Variants in RALYL observed in about 807,000 individuals in gnomAD.
RALYL encodes the protein RALY RNA binding protein like.
Under a neutral mutation model 35.1 loss-of-function variants are expected in RALYL, and 29 were observed. The ratio of observed to expected loss-of-function variants is 0.83; its 90% CI spans 0.61 to 1.13. The LOEUF is 1.13. Ranked by LOEUF, RALYL falls within the 50% of genes most tolerant of loss-of-function variation. The pLI is 0.00. For synonymous variants in RALYL, 120 were observed against 127.6 expected (o/e 0.94, Z 0.40); for missense variants, 359 against 360.4 (o/e 1.00, Z 0.03).
At chr8:84,447,777 G>A (rs2049009652) in intron 1 of RALYL, among the ~76,000 whole-genome samples, 1 of 152,010 alleles carries the variant, frequency 6.6e-6, no homozygotes, top group East Asian at 1.9e-4. Flanking sequence ...TACTTTATTT[G>A]GGTATATTAG....
In RALYL at chr8:84,869,570, C is replaced by T. The variant is rs144192958; in HGVS notation, c.572-3714C>T. On this transcript the variant is annotated intron_variant, in intron 6 of 8. Coordinates refer to ENST00000521268, the MANE Select transcript of RALYL (RefSeq NM_173848.7). The stretch of plus-strand genomic sequence containing the variant: ...TTTGGGGTCAGATAATTCTGTGATG[C>T]GGTGTGGGCTATCTTGTGCACTGTA... Among the ~76,000 whole-genome samples, 5 of 152,164 alleles carry T rather than the reference C, an allele frequency of 3.3e-5. No individual in the cohort carries two copies. In the East Asian group the frequency reaches 5.8e-4, roughly 18 times the overall value.
chr8:84,758,234 G>T (rs992044755), intron 2 of RALYL, among the ~76,000 whole-genome samples: 1 of 152,128 alleles, frequency 6.6e-6, no homozygotes, highest in African/African-American at 2.4e-5. Flanking sequence ...CTTTCCAATG[G>T]AGTTTGCACA....
chr8:84,867,768 T>A (rs1839435239), intron 6 of RALYL, among the ~76,000 whole-genome samples: 1 of 152,188 alleles, frequency 6.6e-6, no homozygotes, highest in South Asian at 2.1e-4. Context: ...CTTTTTTCTT[T>A]GCCCACATAG....
At chr8:84,479,324 C>G (rs1223809273) in intron 1 of RALYL, among the ~76,000 whole-genome samples, 1 of 151,966 alleles carries the variant, frequency 6.6e-6, no homozygotes, top group African/African-American at 2.4e-5. Context: ...ATATTTTTCT[C>G]TTCCTTTCAT....
At chr8:84,361,461 G>T (rs2131268024) in intron 1 of RALYL, among the ~76,000 whole-genome samples, 1 of 152,302 alleles carries the variant, frequency 6.6e-6, no homozygotes, top group South Asian at 2.1e-4. Context: ...TGGGACAACA[G>T]ACCTGAGCAT....
intron 2 of RALYL, among the ~76,000 whole-genome samples, chr8:84,654,372 A>C (rs1325770330): frequency 1.4e-5 from 2 of 144,876 alleles, no homozygotes; most frequent in Non-Finnish European, 3.0e-5. Flanking sequence ...TATGATGTGT[A>C]ATAATCACAT....
intron 2 of RALYL, among the ~76,000 whole-genome samples, chr8:84,758,273 G>A (rs577188928): frequency 1.3e-5 from 2 of 152,268 alleles, no homozygotes; most frequent in African/African-American, 4.8e-5. Flanking sequence ...TGGTGGAAAG[G>A]AGTAATACCT....
intron 2 of RALYL, among the ~76,000 whole-genome samples, chr8:84,628,915 G>A (rs1363391074): frequency 6.6e-6 from 1 of 152,004 alleles, no homozygotes; most frequent in Non-Finnish European, 1.5e-5. Context: ...AAAAAATGTG[G>A]AGGATAATCT....
chr8:84,845,239 A>T (rs1443458655), intron 4 of RALYL, among the ~76,000 whole-genome samples: 1 of 152,250 alleles, frequency 6.6e-6, no homozygotes, highest in Non-Finnish European at 1.5e-5. Flanking sequence ...AATCAATAGC[A>T]ATTGAATGCA....
intron 1 of RALYL, among the ~76,000 whole-genome samples, chr8:84,479,826 T>C (rs953018791): frequency 2.0e-4 from 31 of 152,262 alleles, no homozygotes; most frequent in Middle Eastern, 3.4e-3. Context: ...TTTCCCAGGG[T>C]AGATTACAGA....
intron 2 of RALYL, among the ~76,000 whole-genome samples, chr8:84,540,955 A>T: frequency 6.6e-6 from 1 of 151,908 alleles, no homozygotes; most frequent in East Asian, 1.9e-4. Flanking sequence ...AAGATTAAGA[A>T]CTTTAAGCTA....
chr8:84,391,603 C>G (rs887368194), intron 1 of RALYL, among the ~76,000 whole-genome samples: 16 of 152,064 alleles, frequency 1.1e-4, no homozygotes, highest in African/African-American at 3.9e-4. Flanking sequence ...TAAACAGCAA[C>G]AGAACTCTTC....
At chr8:84,561,521 C>A (rs938360444) in intron 2 of RALYL, among the ~76,000 whole-genome samples, 1 of 151,918 alleles carries the variant, frequency 6.6e-6, no homozygotes, top group African/African-American at 2.4e-5. Context: ...CCTATACATA[C>A]ATAACAATAA....
intron 2 of RALYL, among the ~76,000 whole-genome samples, chr8:84,609,297 A>C (rs546221982): frequency 6.6e-6 from 1 of 152,250 alleles, no homozygotes; most frequent in Admixed American, 6.5e-5. Context: ...TCTTTGATCA[A>C]CTTAACCTGT....
intron 1 of RALYL, among the ~76,000 whole-genome samples, chr8:84,250,812 G>A (rs1467456468): frequency 6.6e-6 from 1 of 151,860 alleles, no homozygotes; most frequent in African/African-American, 2.4e-5. Context: ...GGAAAAATAG[G>A]GTGTAATGAA....
intron 1 of RALYL, among the ~76,000 whole-genome samples, chr8:84,226,363 GAGTAT>G (rs1281082951): frequency 4.6e-5 from 7 of 152,116 alleles, no homozygotes; most frequent in Admixed American, 3.9e-4. Flanking sequence ...CGCTGGTGTA[GAGTAT>G]ATCAAAACTA....
intron 2 of RALYL, among the ~76,000 whole-genome samples, chr8:84,680,709 C>G (rs976496946): frequency 1.3e-5 from 2 of 151,802 alleles, no homozygotes; most frequent in Admixed American, 1.3e-4. Context: ...TGTTTTTTTT[C>G]TTGTAAATTT....
At chr8:84,374,730 AT>A (rs1856581050) in intron 1 of RALYL, among the ~76,000 whole-genome samples, 1 of 151,824 alleles carries the variant, frequency 6.6e-6, no homozygotes, top group Admixed American at 6.6e-5. Context: ...GCAAGGAGGG[AT>A]AGGATCGGAA....
At chr8:84,572,954 C>T (rs942932026) in intron 2 of RALYL, among the ~76,000 whole-genome samples, 1 of 151,048 alleles carries the variant, frequency 6.6e-6, no homozygotes, top group African/African-American at 2.4e-5. Flanking sequence ...TTTTTATGGT[C>T]GGGTTACAGT....
Sources: allele counts gnomAD v4.1 joint callset (sites outside exome capture counted in the v4.1 genomes callset), GRCh38; gene constraint gnomAD v4.1.1; transcripts MANE v1.5; gene names NCBI Gene and HGNC (gene_info 2026-07-23, HGNC 2026-07-21).